Variants in MCF2L observed in about 807,000 individuals in gnomAD.
MCF2L encodes MCF.2 cell line derived transforming sequence like, also known as guanine nucleotide exchange factor DBS.
In MCF2L, 97 loss-of-function variants were observed where a neutral mutation model predicts 153.4. That is an observed-to-expected ratio of 0.63 (90% confidence interval 0.54 to 0.75). The LOEUF is 0.75. Ranked by LOEUF, MCF2L falls within the 30% of genes least tolerant of loss-of-function variation. The probability of loss-of-function intolerance (pLI) is 0.00; values close to 1 mark genes in which losing one functional copy is unlikely to be tolerated. For missense variants in MCF2L, 1,347 were observed against 1,495.2 expected, an observed-to-expected ratio of 0.90 and a Z score of 1.64; for synonymous variants, 659 against 632.2, an observed-to-expected ratio of 1.04 and a Z score of -0.64.
intron 3 of MCF2L, among the ~76,000 whole-genome samples, chr13:113,025,894 G>A (rs371153663): frequency 4.2e-4 from 27 of 64,510 alleles, no homozygotes; most frequent in East Asian, 9.0e-4. Context: ...TCCCTGTGAG[G>A]TTTCCCCATT....
intron 2 of MCF2L, among the ~76,000 whole-genome samples, chr13:112,927,388 A>G (rs1192789108): frequency 2.0e-5 from 3 of 152,218 alleles, no homozygotes; most frequent in African/African-American, 4.8e-5. Context: ...AGACCTGTCC[A>G]TGGAAAAAAC....
Position 112,907,820 on chromosome 13 carries a change from C to G in MCF2L, c.169+5449C>G, listed in dbSNP as rs956306746. 6.6e-6 allele frequency among the ~76,000 whole-genome samples: 1 copy of G among 152,242 alleles called. No individual in the cohort carries two copies. The highest frequency in any genetic ancestry group is 1.5e-5 in the Non-Finnish European group (1 of 68,024). On this transcript the variant is annotated intron_variant, in intron 2 of 29. Coordinates refer to the MCF2L transcript ENST00000375608. This position sits in a 1 kb window ranked among gnomAD's most constrained non-coding sequence, Gnocchi z 5.1. ...AGAAAAGGCGATCTCAGCAGCACGCCGTGTTAAAGAACAGCGCATGTTGGG... is the reference window on the plus strand; with the variant it reads ...AGAAAAGGCGATCTCAGCAGCACGCGGTGTTAAAGAACAGCGCATGTTGGG...
chr13:113,077,973 C>T (rs1423607158), intron 13 of MCF2L, among the ~76,000 whole-genome samples: 1 of 152,236 alleles, frequency 6.6e-6, no homozygotes, highest in Non-Finnish European at 1.5e-5. Flanking sequence ...AGCCCACAGG[C>T]GCTGTGTCCC....
intron 4 of MCF2L, among the ~76,000 whole-genome samples, chr13:113,057,914 TTTGGGTGCTGAGTG>T (rs1368841473): frequency 2.2e-5 from 3 of 137,920 alleles, no homozygotes; most frequent in East Asian, 4.7e-4. Flanking sequence ...GTGCTGTGTG[TTTGGGTGCTGAGTG>T]TTGGGTGCTG....
At position 112,993,255 on chromosome 13, in the gene MCF2L, A is replaced by G. The variant is rs951053326; in HGVS notation, c.80-21508A>G. On this transcript the variant is annotated intron_variant, in intron 1 of 29. Coordinates refer to ENST00000535094, the MANE Select transcript of MCF2L (RefSeq NM_001112732.3). This position sits in a 1 kb window ranked among gnomAD's most constrained non-coding sequence, Gnocchi z 4.6. ...AGCCACGTGATGTCTTCGTGTGAAC[A>G]TGGTGGCGGGGGAGCGCCGGGCACA... Among the ~76,000 whole-genome samples, 3 of 152,192 alleles carry G rather than the reference A, an allele frequency of 2.0e-5. No homozygotes were observed. Among genetic ancestry groups the G allele is most frequent in the South Asian group, 2.1e-4 (1 of 4,828 alleles).
intron 26 of MCF2L, chr13:113,090,012 C>G: frequency 6.2e-7 from 1 of 1,602,018 alleles, no homozygotes; most frequent in Admixed American, 1.7e-5. Context: ...CAGCCGGACC[C>G]GCCTCCGCAT....
chr13:113,050,289 A>AGT (rs74773597), intron 4 of MCF2L, among the ~76,000 whole-genome samples: 13 of 149,802 alleles, frequency 8.7e-5, no homozygotes, highest in African/African-American at 2.7e-4. Context: ...TGAGTGTGAG[A>AGT]GTGTGTGTGT....
chr13:112,925,130 TA>T (rs2081389752), intron 2 of MCF2L, among the ~76,000 whole-genome samples: 1 of 152,222 alleles, frequency 6.6e-6, no homozygotes, highest in Non-Finnish European at 1.5e-5. Flanking sequence ...GCATATCCAA[TA>T]AGCATATGAG....
chr13:113,074,794 A>G lies in MCF2L; in HGVS notation c.1117-204A>G, dbSNP rs543670183. Reference sequence around the variant, plus strand: ...TGGGTCAGGTCCCTGCAGACGGTCAATGCCTTTGCTGGGACCACCACAGCC... The same window carrying G: ...TGGGTCAGGTCCCTGCAGACGGTCAGTGCCTTTGCTGGGACCACCACAGCC... On this transcript the variant is annotated intron_variant, in intron 10 of 29. Transcript: ENST00000535094. The surrounding 1 kb of genome is among the most constrained non-coding windows in gnomAD (Gnocchi z 4.2). Among the ~76,000 whole-genome samples, 1 of 152,244 alleles carries G rather than the reference A, an allele frequency of 6.6e-6. No homozygotes were observed. Among genetic ancestry groups the G allele is most frequent in the East Asian group, 1.9e-4 (1 of 5,168 alleles).
At chr13:113,019,985 A>G (rs1309897373) in intron 2 of MCF2L, among the ~76,000 whole-genome samples, 1 of 152,194 alleles carries the variant, frequency 6.6e-6, no homozygotes, top group East Asian at 1.9e-4. Flanking sequence ...GCCCAGACAG[A>G]CCAACAAACA....
At chr13:113,024,588 GAACCCCCGGGGGC>G in intron 2 of MCF2L, 43 bp from the exon 3 acceptor site, 1 of 1,160,174 alleles carries the variant, frequency 8.6e-7, no homozygotes, top group Non-Finnish European at 1.3e-6. Context: ...GACATCTGTG[GAACCCCCGGGGGC>G]ATGGAGCCCT....
intron 3 of MCF2L, among the ~76,000 whole-genome samples, chr13:113,025,921 T>G (rs796593258): frequency 1.6e-4 from 5 of 31,008 alleles, no homozygotes; most frequent in East Asian, 2.7e-3. Flanking sequence ...TCCCCGTGAC[T>G]GTGGGTCGGG....
intron 4 of MCF2L, among the ~76,000 whole-genome samples, chr13:113,047,780 G>A (rs967109679): frequency 1.3e-5 from 2 of 152,190 alleles, no homozygotes; most frequent in African/African-American, 4.8e-5. Context: ...CGTCCCCTCT[G>A]CTCACGCCTC....
At chr13:113,095,694 C>T (rs1287221438) in intron 27 of MCF2L, 9 of 992,492 alleles carry the variant, frequency 9.1e-6, no homozygotes, top group Non-Finnish European at 1.1e-5. Context: ...CACCGTCCTC[C>T]TGCTCCAGGC....
At position 113,081,213 on chromosome 13, in the gene MCF2L, G is replaced by A; in HGVS notation, c.1809G>A (p.Arg603=). Residue 603 remains arginine, a splice_region_variant and synonymous_variant, in exon 16 of 30, where the codon AGG becomes AGA. Coordinates refer to ENST00000535094, the MANE Select transcript of MCF2L (RefSeq NM_001112732.3). ...EEEESLAILR[R]HVMSELLDTE... ...TGCTCTCCACATGACCTGCCACCAGGCACGTGATGAGCGAGCTCCTGGACA... is the reference window on the plus strand; with the variant it reads ...TGCTCTCCACATGACCTGCCACCAGACACGTGATGAGCGAGCTCCTGGACA... 6.3e-7 allele frequency: 1 copy of A among 1,582,392 alleles called. No individual in the cohort carries two copies. Among genetic ancestry groups the A allele is most frequent in the Non-Finnish European group, 8.6e-7 (1 of 1,164,654 alleles).
rs138738375 is a variant in MCF2L, at chr13:113,096,962, A to T, written c.*103A>T. The T allele has an allele frequency of 7.7e-4, 579 of 749,118 alleles. 2 individuals are homozygous for T. The African/African-American group carries it at 0.01, about 13-fold the overall frequency. The allele number at this position is 749,118 out of a possible 1,614,324, so 46.4% of individuals were successfully genotyped here. A position where few individuals can be genotyped will look rare whatever the true frequency, so the allele number is the denominator to read the frequency against. On this transcript the variant is annotated 3_prime_UTR_variant, in exon 30 of 30. Transcript: ENST00000535094. ...GAGGAAGGGGCACCTCACCGCCCCC[A>T]CCCAGAGCGCCTGGCCGTGCGGGCT...
At chr13:112,936,244 C>T (rs1247950769) in intron 2 of MCF2L, among the ~76,000 whole-genome samples, 1 of 139,212 alleles carries the variant, frequency 7.2e-6, no homozygotes, top group African/African-American at 2.7e-5. Flanking sequence ...CGTGCCACTG[C>T]ACTCCAGCCT....
chr13:112,896,703 G>A (rs2081071077), intron 1 of MCF2L, among the ~76,000 whole-genome samples: 1 of 152,212 alleles, frequency 6.6e-6, no homozygotes. Context: ...TCACCTTTCT[G>A]TTCAGCCCAC....
Position 113,063,912 on chromosome 13 carries a change from G to A in MCF2L, c.490-392G>A, listed in dbSNP as rs545175646. ...TGATTTCTGTGAAACCCATTTTGAC[G>A]GCTTGCTGTGGAGCCGTTGTGCAGG... On this transcript the variant is annotated intron_variant, in intron 5 of 29. Coordinates refer to ENST00000535094, the MANE Select transcript of MCF2L (RefSeq NM_001112732.3). 3.5e-4 allele frequency: 156 copies of A among 446,838 alleles called. 2 individuals are homozygous for A. Among genetic ancestry groups the A allele is most frequent in the South Asian group, 2.3e-3 (142 of 62,536 alleles). The allele number at this position is 446,838 out of a possible 1,614,324, so 27.7% of individuals were successfully genotyped here. A position where few individuals can be genotyped will look rare whatever the true frequency, so the allele number is the denominator to read the frequency against.
Sources: gnomAD v4.1 joint callset for allele counts (sites outside exome capture counted in the v4.1 genomes callset) on GRCh38, gnomAD v4.1.1 for gene constraint, Gnocchi (gnomAD v3.1) non-coding constraint, MANE v1.5 for transcripts, NCBI Gene and HGNC (gene_info 2026-07-23, HGNC 2026-07-21) for gene names.